Variants in LPXN observed in about 807,000 individuals in gnomAD.
LPXN encodes leupaxin.
A neutral mutation model predicts 45.6 loss-of-function variants in LPXN; 28 were observed. The ratio of observed to expected loss-of-function variants is 0.61; its 90% confidence interval spans 0.45 to 0.84. The LOEUF is 0.84. LPXN is among the 40% of genes least tolerant of loss of function. The pLI is 0.00. For synonymous variants in LPXN, 166 were observed against 169.9 expected, an observed-to-expected ratio of 0.98 and a Z score of 0.18; for missense variants, 459 against 475.0, an observed-to-expected ratio of 0.97 and a Z score of 0.31.
At chr11:58,578,030 A>C, upstream of LPXN, 1 of 1,551,120 alleles carries the variant, frequency 6.4e-7, no homozygotes, top group Non-Finnish European at 8.7e-7. Context: ...GGAAGACGAG[A>C]TCAATAATGT....
At chr11:58,560,288 TACAA>T (rs750182660) in intron 3 of LPXN, among the ~76,000 whole-genome samples, 16 of 152,230 alleles carry the variant, frequency 1.1e-4, no homozygotes, top group Non-Finnish European at 2.1e-4. Context: ...ACAATGGTTC[TACAA>T]ACAATCTTCA....
chr11:58,550,624 G>A (rs1053673442), intron 5 of LPXN, among the ~76,000 whole-genome samples: 5 of 152,192 alleles, frequency 3.3e-5, no homozygotes, highest in Admixed American at 6.5e-5. Flanking sequence ...GTTTGCAGCT[G>A]TGACTTGGAG....
chr11:58,530,851 G>T (rs1432852847), intron 7 of LPXN, among the ~76,000 whole-genome samples: 1 of 152,220 alleles, frequency 6.6e-6, no homozygotes, highest in Non-Finnish European at 1.5e-5. Context: ...GCTTCCAAAG[G>T]AAGGAACAGG....
chr11:58,531,979 T>A (rs1011404403), intron 7 of LPXN, among the ~76,000 whole-genome samples: 2 of 152,198 alleles, frequency 1.3e-5, no homozygotes, highest in African/African-American at 4.8e-5. Context: ...TGGGGCTGCA[T>A]GCGGTGCTCG....
At chr11:58,563,381 G>A (rs927360949) in intron 3 of LPXN, among the ~76,000 whole-genome samples, 31 of 152,170 alleles carry the variant, frequency 2.0e-4, no homozygotes, top group African/African-American at 6.5e-4. Flanking sequence ...AAAACTTCTT[G>A]TAGCACAGTT....
intron 7 of LPXN, among the ~76,000 whole-genome samples, chr11:58,549,075 C>T (rs1475993185): frequency 6.6e-6 from 1 of 152,160 alleles, no homozygotes; most frequent in Non-Finnish European, 1.5e-5. Flanking sequence ...ATAAAACAAT[C>T]TATAACAATA....
At chr11:58,553,048 A>C (rs1007500339) in intron 4 of LPXN, among the ~76,000 whole-genome samples, 3 of 152,174 alleles carry the variant, frequency 2.0e-5, no homozygotes, top group Non-Finnish European at 4.4e-5. Context: ...TTCAAAAGAT[A>C]AATGGGGCCG....
At chr11:58,569,552 C>A (rs1246028734) in intron 2 of LPXN, among the ~76,000 whole-genome samples, 2 of 151,958 alleles carry the variant, frequency 1.3e-5, no homozygotes, top group East Asian at 3.9e-4. Flanking sequence ...CCACACCCTG[C>A]TCATTTTTTA....
At chr11:58,546,946 G>A (rs1853892253) in intron 7 of LPXN, among the ~76,000 whole-genome samples, 1 of 152,160 alleles carries the variant, frequency 6.6e-6, no homozygotes. Context: ...GAAGAAAACT[G>A]TGCTATGAGT....
intron 3 of LPXN, among the ~76,000 whole-genome samples, chr11:58,556,454 T>C (rs1361102213): frequency 3.9e-5 from 6 of 152,206 alleles, no homozygotes; most frequent in East Asian, 3.9e-4. Flanking sequence ...AAGAGATAAG[T>C]TGGACATAGA....
intron 1 of LPXN, among the ~76,000 whole-genome samples, chr11:58,575,151 G>T (rs912799274): frequency 2.6e-5 from 4 of 152,124 alleles, no homozygotes; most frequent in East Asian, 1.9e-4. Context: ...GTGGAAGGAG[G>T]TGTCATATTT....
chr11:58,551,340 C>A, intron 4 of LPXN, 108 bp from the exon 5 acceptor site: 1 of 833,494 alleles, frequency 1.2e-6, no homozygotes, highest in South Asian at 4.5e-5. Context: ...CTTGGCCTTT[C>A]CCCAACCTTC....
At position 58,549,785 on chromosome 11, in the gene LPXN, C is replaced by T. The variant is rs1184345188; in HGVS notation, c.742+1G>A. ...ATACAGCCTCTCAAGTCGGGTCATA[C>T]CTTCTGCACCAAACACCTCTCCGCA... On this transcript the variant is annotated splice_donor_variant, in intron 7 of 8. Transcript: ENST00000395074. LOFTEE classifies it high-confidence loss of function. 6.2e-7 allele frequency: 1 copy of T among 1,613,884 alleles called. No homozygotes were observed. The highest frequency in any genetic ancestry group is 1.3e-5 in the African/African-American group (1 of 74,900).
At chr11:58,540,445 C>T (rs1853681286) in intron 7 of LPXN, among the ~76,000 whole-genome samples, 1 of 152,140 alleles carries the variant, frequency 6.6e-6, no homozygotes, top group African/African-American at 2.4e-5. Flanking sequence ...ATTTGTTAAG[C>T]ATAAAGGTAG....
chr11:58,567,769 G>A (rs1457147162), intron 2 of LPXN, among the ~76,000 whole-genome samples: 1 of 152,122 alleles, frequency 6.6e-6, no homozygotes, highest in Non-Finnish European at 1.5e-5. Flanking sequence ...TTTTCTGCAC[G>A]TTGCATATTC....
chr11:58,551,683 G>A (rs774693384), intron 4 of LPXN, among the ~76,000 whole-genome samples: 2 of 152,064 alleles, frequency 1.3e-5, no homozygotes, highest in African/African-American at 2.4e-5. Context: ...TTCTGTGGGC[G>A]ATAGACAATA....
upstream of LPXN, among the ~76,000 whole-genome samples, chr11:58,577,781 C>CACA (rs1211993612): frequency 1.3e-5 from 2 of 151,742 alleles, no homozygotes; most frequent in African/African-American, 4.8e-5. Context: ...ATGTCACGCT[C>CACA]ACAACCCTTT....
rs111474398 is a variant in LPXN at position 58,555,883 on chromosome 11, A to C, written c.219-943T>G. Among the ~76,000 whole-genome samples the C allele has an allele frequency of 5.9e-3, 896 of 152,248 alleles. 4 individuals are homozygous for C. Among genetic ancestry groups the C allele is most frequent in the Non-Finnish European group, 0.011 (727 of 67,994 alleles). On this transcript the variant is annotated intron_variant, in intron 3 of 8. Coordinates refer to ENST00000395074, the MANE Select transcript of LPXN (RefSeq NM_004811.3). ...TAAAAAGTGAGAAAGATCAGAAATA[A>C]ATAAAACTTCCAAGTCAAGAGTCTC...
intron 1 of LPXN, among the ~76,000 whole-genome samples, chr11:58,574,895 T>C (rs1008598033): frequency 6.6e-5 from 10 of 152,326 alleles, no homozygotes; most frequent in African/African-American, 2.2e-4. Context: ...TGTTGTTTTT[T>C]GCACTTTTGA....
Sources: gnomAD v4.1 joint callset for allele counts (sites outside exome capture counted in the v4.1 genomes callset) on GRCh38, gnomAD v4.1.1 for gene constraint, MANE v1.5 for transcripts, NCBI Gene and HGNC (gene_info 2026-07-23, HGNC 2026-07-21) for gene names.